Variants in PTPRR observed in about 807,000 individuals in gnomAD.
The protein encoded by PTPRR is receptor-type tyrosine-protein phosphatase R.
Under a neutral mutation model 77.2 loss-of-function variants are expected in PTPRR, and 38 were observed. The ratio of observed to expected loss-of-function variants is 0.49; its 90% CI spans 0.38 to 0.65. The LOEUF (loss-of-function observed/expected upper bound fraction) is 0.65. Ranked by LOEUF, PTPRR falls within the 30% of genes least tolerant of loss-of-function variation. PTPRR has a pLI of 0.00. For synonymous variants in PTPRR, 299 were observed against 283.1 expected (o/e 1.06, Z -0.57); for missense variants, 744 against 799.2 (o/e 0.93, Z 0.83).
intron 2 of PTPRR, among the ~76,000 whole-genome samples, chr12:70,890,679 G>A (rs1893319983): frequency 6.6e-6 from 1 of 152,094 alleles, no homozygotes; most frequent in South Asian, 2.1e-4. Flanking sequence ...TATAAATTAA[G>A]TCTCAAAATA....
chr12:70,714,749 C>A (rs1888956578), intron 6 of PTPRR, among the ~76,000 whole-genome samples: 1 of 152,162 alleles, frequency 6.6e-6, no homozygotes, highest in Non-Finnish European at 1.5e-5. Context: ...CTTTGGGAGG[C>A]TGAGGCGGGC....
chr12:70,915,843 T>G (rs753105539), intron 1 of PTPRR, among the ~76,000 whole-genome samples: 1 of 152,148 alleles, frequency 6.6e-6, no homozygotes, highest in Non-Finnish European at 1.5e-5. Context: ...AAGAAGATAT[T>G]AAATGCAAAA....
chr12:70,772,744 A>C (rs1891006431), intron 2 of PTPRR, among the ~76,000 whole-genome samples: 2 of 152,196 alleles, frequency 1.3e-5, no homozygotes, highest in Admixed American at 1.3e-4. Context: ...AAACTACCTA[A>C]GAGAGCCCAG....
At chr12:70,698,523 G>T (rs1048244870) in intron 7 of PTPRR, among the ~76,000 whole-genome samples, 174 bp from the exon 8 acceptor site, 29 of 151,974 alleles carry the variant, frequency 1.9e-4, no homozygotes, top group African/African-American at 6.3e-4. Context: ...AGCTGCATCC[G>T]GACAAGCTGA....
At chr12:70,662,391 T>A in intron 11 of PTPRR, 104 bp downstream of exon 11, 1 of 613,726 alleles carries the variant, frequency 1.6e-6, no homozygotes, top group South Asian at 2.8e-5. Context: ...TAACATTATT[T>A]AATTTGCTTA....
intron 2 of PTPRR, among the ~76,000 whole-genome samples, chr12:70,785,519 T>C (rs978281970): frequency 6.6e-6 from 1 of 152,178 alleles, no homozygotes; most frequent in Admixed American, 6.6e-5. Context: ...TAAGCCCCTA[T>C]CCTTATAAGC....
chr12:70,895,104 A>T (rs892144952), intron 1 of PTPRR, among the ~76,000 whole-genome samples: 3 of 151,706 alleles, frequency 2.0e-5, no homozygotes, highest in African/African-American at 4.8e-5. Context: ...TACGGGTGAA[A>T]CAGAGTTGCT....
At chr12:70,752,998 T>G (rs1191761037) in intron 5 of PTPRR, among the ~76,000 whole-genome samples, 1 of 152,236 alleles carries the variant, frequency 6.6e-6, no homozygotes, top group Non-Finnish European at 1.5e-5. Context: ...TCTAAATTAT[T>G]CTTTTGTTTA....
chr12:70,652,277 G>T (rs1886423698), intron 13 of PTPRR, among the ~76,000 whole-genome samples: 1 of 152,194 alleles, frequency 6.6e-6, no homozygotes, highest in South Asian at 2.1e-4. Context: ...GGAAAAAGCT[G>T]AAGGACTGGA....
At chr12:70,645,301 A>T (rs917384238) in intron 13 of PTPRR, among the ~76,000 whole-genome samples, 2 of 152,228 alleles carry the variant, frequency 1.3e-5, no homozygotes, top group Non-Finnish European at 2.9e-5. Flanking sequence ...TTAGGTATTT[A>T]TCTAATAAGG....
chr12:70,646,944 TAA>T (rs543733158), intron 13 of PTPRR, among the ~76,000 whole-genome samples: 2 of 145,770 alleles, frequency 1.4e-5, no homozygotes, highest in Admixed American at 6.9e-5. Flanking sequence ...TGGCTGTAGT[TAA>T]AAAAAAAAAG....
At chr12:70,755,340 C>T (rs370737353) in intron 4 of PTPRR, among the ~76,000 whole-genome samples, 40 of 152,160 alleles carry the variant, frequency 2.6e-4, no homozygotes, top group Middle Eastern at 3.4e-3. Context: ...GAGTAAAACA[C>T]GTCTTGTAGG....
At chr12:70,810,885 C>T (rs1178201629) in intron 2 of PTPRR, among the ~76,000 whole-genome samples, 4 of 152,102 alleles carry the variant, frequency 2.6e-5, no homozygotes, top group South Asian at 2.1e-4. Context: ...AATTGAAATG[C>T]GCTATGGCAA....
chr12:70,799,130 C>A (rs1163493758), intron 2 of PTPRR, among the ~76,000 whole-genome samples: 1 of 152,110 alleles, frequency 6.6e-6, no homozygotes, highest in Admixed American at 6.5e-5. Flanking sequence ...CCTCCCTGAC[C>A]ATACCTGTAC....
chr12:70,797,008 A>G (rs1362526722), intron 2 of PTPRR, among the ~76,000 whole-genome samples: 3 of 152,100 alleles, frequency 2.0e-5, no homozygotes, highest in Non-Finnish European at 4.4e-5. Flanking sequence ...ACAGAGCGAG[A>G]CTCTGTCTAA....
intron 2 of PTPRR, among the ~76,000 whole-genome samples, chr12:70,817,197 C>T (rs1891918664): frequency 6.6e-6 from 1 of 152,016 alleles, no homozygotes; most frequent in Admixed American, 6.6e-5. Context: ...TACATGGCAG[C>T]CCACAAACAC....
At chr12:70,672,570 C>A in intron 10 of PTPRR, 1 of 1,384,866 alleles carries the variant, frequency 7.2e-7, no homozygotes, top group Non-Finnish European at 1.0e-6. Context: ...ACCCTCTGGG[C>A]CTTGCCTTGG....
At chr12:70,733,470 C>CAAAAAAAAAAA (rs1193950231) in intron 6 of PTPRR, among the ~76,000 whole-genome samples, 1 of 74,082 alleles carries the variant, frequency 1.3e-5, no homozygotes, top group Non-Finnish European at 2.5e-5. Context: ...AAAATTATGG[C>CAAAAAAAAAAA]AAAAAAAAAA....
chr12:70,672,909 C>T (rs1228497795), intron 10 of PTPRR: 2 of 1,531,654 alleles, frequency 1.3e-6, no homozygotes, highest in Non-Finnish European at 1.8e-6. Flanking sequence ...TCTGCTCCCA[C>T]TCAGCTTAGC....
Sources: allele counts gnomAD v4.1 joint callset (sites outside exome capture counted in the v4.1 genomes callset), GRCh38; gene constraint gnomAD v4.1.1; transcripts MANE v1.5; gene names NCBI Gene and HGNC (gene_info 2026-07-23, HGNC 2026-07-21).